EPG5: variants seen among roughly 807,000 people sequenced by gnomAD.
EPG5 encodes the protein ectopic P granules protein 5 homolog.
Under a neutral mutation model 302.7 loss-of-function variants are expected in EPG5, and 159 were observed. The ratio of observed to expected loss-of-function variants is 0.53; its 90% confidence interval spans 0.46 to 0.60. The LOEUF (loss-of-function observed/expected upper bound fraction) is 0.60, where lower values mean the gene tolerates loss of function less well. Ranked by LOEUF, EPG5 falls within the 20% of genes least tolerant of loss-of-function variation. The pLI is 0.00. For synonymous variants in EPG5, 1,158 were observed against 1,136.8 expected, an observed-to-expected ratio of 1.02 and a Z score of -0.37; for missense variants, 2,896 against 3,092.4, an observed-to-expected ratio of 0.94 and a Z score of 1.51.
chr18:45,869,513 T>A (rs1308075703), intron 36 of EPG5, among the ~76,000 whole-genome samples: 3 of 152,238 alleles, frequency 2.0e-5, no homozygotes, highest in Non-Finnish European at 4.4e-5. Context: ...TGTGCTACTA[T>A]CTAATCTGTC....
intron 10 of EPG5, among the ~76,000 whole-genome samples, chr18:45,937,373 TATATATACACACACAC>T (rs1254765752): frequency 8.8e-4 from 132 of 150,708 alleles, no homozygotes; most frequent in African/African-American, 3.0e-3. Context: ...CACACACACA[TATATATACACACACAC>T]ATATATATAC....
intron 26 of EPG5, among the ~76,000 whole-genome samples, chr18:45,900,679 C>T (rs936381460): frequency 6.6e-6 from 1 of 152,146 alleles, no homozygotes; most frequent in African/African-American, 2.4e-5. Flanking sequence ...TACTTCACAC[C>T]TTTCCAACAT....
At chr18:45,946,836 A>G (rs952888708) in intron 6 of EPG5, 68 bp from the exon 7 acceptor site, 1 of 1,235,402 alleles carries the variant, frequency 8.1e-7, no homozygotes, top group Non-Finnish European at 1.2e-6. Context: ...TGGATTCTCT[A>G]CTCACCCTGA....
intron 1 of EPG5, among the ~76,000 whole-genome samples, chr18:45,966,032 G>C (rs952336258): frequency 2.0e-5 from 3 of 151,154 alleles, no homozygotes; most frequent in African/African-American, 7.3e-5. Flanking sequence ...TTGCACTCCA[G>C]CCTGGACGAC....
chr18:45,870,247 C>G (rs1421831949), intron 36 of EPG5, among the ~76,000 whole-genome samples: 1 of 152,146 alleles, frequency 6.6e-6, no homozygotes, highest in East Asian at 1.9e-4. Flanking sequence ...TGTAATGACA[C>G]AAACACATCA....
the EPG5 span, among the ~76,000 whole-genome samples, chr18:45,801,709 A>T: frequency 6.6e-6 from 1 of 152,026 alleles, no homozygotes; most frequent in Non-Finnish European, 1.5e-5. Flanking sequence ...CTACTCCCTT[A>T]ATCACTTACA....
At chr18:45,944,159 C>G (rs781298721) in intron 7 of EPG5, 40 bp from the exon 8 acceptor site, 10 of 1,262,118 alleles carry the variant, frequency 7.9e-6, no homozygotes, top group Non-Finnish European at 1.2e-5. Context: ...CAGATTTGAT[C>G]AGATCACACT....
chr18:45,860,022 T>G, intron 40 of EPG5, 82 bp downstream of exon 40: 3 of 1,542,432 alleles, frequency 1.9e-6, no homozygotes, highest in Non-Finnish European at 2.6e-6. Flanking sequence ...GGGAAGAGTC[T>G]GGAAACATAT....
At chr18:45,935,636 G>T (rs979304010) in intron 10 of EPG5, among the ~76,000 whole-genome samples, 9 of 152,142 alleles carry the variant, frequency 5.9e-5, no homozygotes, top group Admixed American at 3.9e-4. Flanking sequence ...AGTAGTGGGT[G>T]GCAGAGAGGC....
the EPG5 span, among the ~76,000 whole-genome samples, chr18:45,824,173 C>T: frequency 6.6e-6 from 1 of 152,142 alleles, no homozygotes; most frequent in African/African-American, 2.4e-5. Context: ...GGGTCCTGAA[C>T]CTGAAGGGCC....
rs1385744457 is a variant in EPG5 at position 45,922,560 on chromosome 18, G to A, written c.2879C>T (p.Pro960Leu). 2 of 1,613,964 alleles carry A rather than the reference G, an allele frequency of 1.2e-6. No homozygotes were observed. Among genetic ancestry groups the A allele is most frequent in the Admixed American group, 3.3e-5 (2 of 60,000 alleles). The change falls in exon 16 of 44, where the codon CCC becomes CTC. Residue 960 changes from proline to leucine, a missense_variant. By Grantham distance (98) the Pro-to-Leu change is moderately conservative (BLOSUM62 -3). Transcript: ENST00000282041. ...LASIVRYGET[P>L]ETSFNQWAWN... ...GGCCCATTGGTTAAATGAGGTCTCG[G>A]GTGTCTCTCCATATCGAACAATACT...
Position 45,858,708 on chromosome 18 carries a change from A to G in EPG5, c.7084T>C (p.Phe2362Leu). Residue 2362 changes from phenylalanine to leucine, a missense_variant, in exon 41 of 44, where the codon TTC becomes CTC. Phe to Leu is a conservative substitution (Grantham distance 22, BLOSUM62 0). Coordinates refer to ENST00000282041, the MANE Select transcript of EPG5 (RefSeq NM_020964.3). ...CCCAAGGTGAGGCACTCCTGCAGGA[A>G]CTCTTCCATGGTGAGCTCGGGAACC... ...LQVPELTMEEFLQECLTLGSY... is the reference protein window; with the variant it reads ...LQVPELTMEELLQECLTLGSY... 1 of 1,614,030 alleles carries G rather than the reference A, an allele frequency of 6.2e-7. No homozygotes were observed. Among genetic ancestry groups the G allele is most frequent in the Non-Finnish European group, 8.5e-7 (1 of 1,180,000 alleles).
downstream of EPG5, among the ~76,000 whole-genome samples, chr18:45,846,903 G>C (rs762188005): frequency 6.6e-6 from 1 of 152,112 alleles, no homozygotes; most frequent in South Asian, 2.1e-4. Flanking sequence ...AAGCATTTTC[G>C]GAGAAAGATC....
rs906608079 is a variant in EPG5 at position 45,848,139 on chromosome 18, T to C, written c.*4328A>G. The C allele has an allele frequency of 6.6e-6, 1 of 152,206 alleles. No individual in the cohort carries two copies. Among genetic ancestry groups the C allele is most frequent in the Non-Finnish European group, 1.5e-5 (1 of 68,038 alleles). 9.4% of individuals were successfully genotyped at this position (152,206 alleles called of 1,614,324 possible). ...GTCTGCGTTAGTAAGTCTAGAACTT[T>C]ACCCAGCACAACCCAGACACAAATG... is the stretch of plus-strand genomic sequence containing the variant. On this transcript the variant is annotated 3_prime_UTR_variant, in exon 44 of 44. Transcript: ENST00000282041.
intron 39 of EPG5, among the ~76,000 whole-genome samples, chr18:45,861,862 C>T (rs2048643471): frequency 6.6e-6 from 1 of 152,084 alleles, no homozygotes; most frequent in Non-Finnish European, 1.5e-5. Context: ...CAATCTTAGT[C>T]ATTCACAGTT....
At chr18:45,865,785 A>T (rs1568101998) in intron 38 of EPG5, 26 bp from the exon 39 acceptor site, 1 of 1,580,434 alleles carries the variant, frequency 6.3e-7, no homozygotes, top group South Asian at 1.1e-5. Flanking sequence ...AAAAAAAATC[A>T]TTCAAATGAA....
chr18:45,850,730 A>T lies in EPG5; in HGVS notation c.*1737T>A, dbSNP rs1488755373. 6.5e-6 allele frequency: 1 copy of T among 152,680 alleles called. No homozygotes were observed. The highest frequency in any genetic ancestry group is 1.5e-5 in the Non-Finnish European group (1 of 68,046). 9.5% of individuals were successfully genotyped at this position (152,680 alleles called of 1,614,324 possible). A position where few individuals can be genotyped will look rare whatever the true frequency, so the allele number is the denominator to read the frequency against. ...CAGATTAATCATAATTTTCTTTAAA[A>T]TGTGCATACTGTCACTCAAAAATTT... is the stretch of plus-strand genomic sequence containing the variant. On this transcript the variant is annotated 3_prime_UTR_variant, in exon 44 of 44. Transcript: ENST00000282041.
intron 34 of EPG5, 65 bp from the exon 35 acceptor site, chr18:45,876,407 G>T: frequency 7.4e-7 from 1 of 1,359,596 alleles, no homozygotes; most frequent in Non-Finnish European, 1.1e-6. Flanking sequence ...AAGTCCCAGT[G>T]TCTAGGGCTG....
At chr18:45,953,701 A>G (rs1426255868) in intron 2 of EPG5, 1 of 985,264 alleles carries the variant, frequency 1.0e-6, no homozygotes. Flanking sequence ...TCTGTGTTAC[A>G]CATCAGGGAC....
Sources: allele counts gnomAD v4.1 joint callset (sites outside exome capture counted in the v4.1 genomes callset), GRCh38; gene constraint gnomAD v4.1.1; transcripts MANE v1.5; gene names NCBI Gene and HGNC (gene_info 2026-07-23, HGNC 2026-07-21).